SORCS3: variants seen among roughly 807,000 people sequenced by gnomAD.
SORCS3 encodes VPS10 domain-containing receptor SorCS3.
In SORCS3, 57 loss-of-function variants were observed where a neutral mutation model predicts 146.3. The ratio of observed to expected loss-of-function variants is 0.39; its 90% CI spans 0.31 to 0.49. The LOEUF (loss-of-function observed/expected upper bound fraction) is 0.49. SORCS3 is among the 20% of genes least tolerant of loss of function. The pLI, the probability that SORCS3 is intolerant of heterozygous loss-of-function variation, is 0.92. For synonymous variants in SORCS3, 653 were observed against 618.5 expected (o/e 1.06, Z -0.83); for missense variants, 1,341 against 1,575.5 (o/e 0.85, Z 2.52).
At chr10:104,900,210 A>T (rs1041513161) in intron 2 of SORCS3, among the ~76,000 whole-genome samples, 8 of 152,174 alleles carry the variant, frequency 5.3e-5, no homozygotes, top group African/African-American at 1.9e-4. Context: ...TGCTACAGAG[A>T]TGCTGGCTCT....
At chr10:104,876,532 A>T (rs2018573373) in intron 2 of SORCS3, among the ~76,000 whole-genome samples, 1 of 152,166 alleles carries the variant, frequency 6.6e-6, no homozygotes, top group Non-Finnish European at 1.5e-5. Context: ...ATATCTCAGG[A>T]TGCTGTGAAA....
intron 23 of SORCS3, among the ~76,000 whole-genome samples, chr10:105,255,012 C>T (rs1053765692): frequency 1.3e-5 from 2 of 151,546 alleles, no homozygotes; most frequent in Non-Finnish European, 1.5e-5. Flanking sequence ...CACGGTGAAA[C>T]CCCGTCTCTA....
At chr10:105,066,638 T>C (rs2055524616) in intron 5 of SORCS3, among the ~76,000 whole-genome samples, 1 of 152,150 alleles carries the variant, frequency 6.6e-6, no homozygotes, top group Non-Finnish European at 1.5e-5. Flanking sequence ...AGAATCATAA[T>C]AGCCCAGCAC....
At chr10:104,743,961 C>T (rs189110191) in intron 1 of SORCS3, among the ~76,000 whole-genome samples, 2 of 152,310 alleles carry the variant, frequency 1.3e-5, no homozygotes, top group Admixed American at 1.3e-4. Context: ...ATTATTCTAA[C>T]AACAATAATA....
intron 7 of SORCS3, among the ~76,000 whole-genome samples, chr10:105,107,916 T>C (rs551129089): frequency 3.3e-5 from 5 of 152,302 alleles, no homozygotes; most frequent in Admixed American, 2.0e-4. Context: ...ATTTGACTTA[T>C]CTATAAAAAG....
intron 17 of SORCS3, among the ~76,000 whole-genome samples, chr10:105,211,910 G>T (rs2056636439): frequency 6.6e-6 from 1 of 152,124 alleles, no homozygotes; most frequent in South Asian, 2.1e-4. Flanking sequence ...ATCATCTGGG[G>T]ATCTTTTTAA....
rs12220116 is a variant in SORCS3 at position 104,921,503 on chromosome 10, C to G, written c.795+5571C>G. Among the ~76,000 whole-genome samples, 1,094 of 143,570 alleles carry G rather than the reference C, an allele frequency of 7.6e-3. 70 individuals carry two copies. The East Asian group carries it at 0.17, about 22-fold the overall frequency. The allele number at this position is 143,570 out of a possible 152,430, so 94.2% of individuals were successfully genotyped here. On this transcript the variant is annotated intron_variant, in intron 3 of 26. Transcript: ENST00000369701. ...GGTACATGTCTCTCTCTCTCTCTCT[C>G]TGTGTGTGTGTGTGTGTGTGTGTGT...
chr10:105,226,982 G>C (rs899777563), intron 20 of SORCS3, among the ~76,000 whole-genome samples: 14 of 151,244 alleles, frequency 9.3e-5, no homozygotes, highest in Non-Finnish European at 1.0e-4. Flanking sequence ...TGTTGATTTT[G>C]TTTATCTTTT....
intron 12 of SORCS3, among the ~76,000 whole-genome samples, chr10:105,165,155 A>G (rs1254785983): frequency 6.6e-6 from 1 of 152,166 alleles, no homozygotes; most frequent in Non-Finnish European, 1.5e-5. Context: ...AGGCTCCAGG[A>G]GGTAATTGAA....
At chr10:104,684,779 G>GTTTTTT (rs764055039) in intron 1 of SORCS3, among the ~76,000 whole-genome samples, 2 of 81,576 alleles carry the variant, frequency 2.5e-5, no homozygotes, top group Non-Finnish European at 2.3e-5. Context: ...AGTCCTCAGT[G>GTTTTTT]TTTTTTTTTT....
At chr10:105,173,781 T>A (rs772128538) in intron 13 of SORCS3, among the ~76,000 whole-genome samples, 1 of 152,246 alleles carries the variant, frequency 6.6e-6, no homozygotes, top group Non-Finnish European at 1.5e-5. Context: ...CCACTGACCA[T>A]CTTTCTGTTC....
intron 4 of SORCS3, among the ~76,000 whole-genome samples, chr10:105,038,260 A>G (rs1480571370): frequency 1.3e-5 from 2 of 152,192 alleles, no homozygotes; most frequent in Admixed American, 1.3e-4. Flanking sequence ...AAAGATGTTT[A>G]TTGTTTGGAA....
intron 1 of SORCS3, among the ~76,000 whole-genome samples, chr10:104,725,588 G>C (rs945488080): frequency 5.3e-5 from 8 of 152,206 alleles, no homozygotes; most frequent in Admixed American, 4.6e-4. Flanking sequence ...AGTCTATAGA[G>C]GCAGGCAGGC....
chr10:105,049,628 A>T (rs940003225), intron 5 of SORCS3, among the ~76,000 whole-genome samples: 1 of 152,156 alleles, frequency 6.6e-6, no homozygotes, highest in African/African-American at 2.4e-5. Flanking sequence ...TCATATCAAA[A>T]TATACACATT....
At chr10:104,940,386 TC>T (rs1379939067) in intron 3 of SORCS3, among the ~76,000 whole-genome samples, 1 of 127,926 alleles carries the variant, frequency 7.8e-6, no homozygotes, top group African/African-American at 2.7e-5. Context: ...ATGCTATCTC[TC>T]CCCCCTCCCC....
chr10:104,799,552 G>A (rs908684832), intron 1 of SORCS3, among the ~76,000 whole-genome samples: 3 of 152,290 alleles, frequency 2.0e-5, no homozygotes, highest in Admixed American at 6.5e-5. Context: ...TGGGGGTTGG[G>A]GGGCTAGGGG....
intron 14 of SORCS3, among the ~76,000 whole-genome samples, chr10:105,194,331 C>G (rs944460260): frequency 6.6e-6 from 1 of 152,138 alleles, no homozygotes; most frequent in African/African-American, 2.4e-5. Context: ...AGGATTCCAA[C>G]AGTAAAAATG....
intron 1 of SORCS3, among the ~76,000 whole-genome samples, chr10:104,678,272 C>A (rs1381380664): frequency 2.0e-5 from 3 of 152,042 alleles, no homozygotes; most frequent in Non-Finnish European, 4.4e-5. Context: ...GTGAACTAGA[C>A]CCAGTTCACA....
chr10:105,148,471 G>T lies in SORCS3; in HGVS notation c.1482+675G>T, dbSNP rs530998145. Among the ~76,000 whole-genome samples the T allele has an allele frequency of 2.6e-5, 4 of 152,264 alleles. No homozygotes were observed. The South Asian group carries it at 8.3e-4, about 32-fold the overall frequency. ...TATTTTCAGTGACCTAAAAGATGTG[G>T]TACCTTTTATAGTGACAGTATGTGA... On this transcript the variant is annotated intron_variant, in intron 9 of 26. Transcript: ENST00000369701.
Sources: gnomAD v4.1 joint callset for allele counts (sites outside exome capture counted in the v4.1 genomes callset) on GRCh38, gnomAD v4.1.1 for gene constraint, MANE v1.5 for transcripts, NCBI Gene and HGNC (gene_info 2026-07-23, HGNC 2026-07-21) for gene names.